EHD4: variants seen among roughly 807,000 people sequenced by gnomAD.
EHD4 encodes EH domain-containing protein 4.
EHD4 carries 37 observed loss-of-function variants against 51.0 expected under a neutral mutation model. The ratio of observed to expected loss-of-function variants is 0.73; its 90% confidence interval spans 0.56 to 0.95. The LOEUF (loss-of-function observed/expected upper bound fraction) is 0.95. Among genes scored for constraint, EHD4 ranks in the 40% least tolerant of loss-of-function variants. The probability of loss-of-function intolerance (pLI) is 0.00; values close to 1 mark genes in which losing one functional copy is unlikely to be tolerated. For synonymous variants in EHD4, 297 were observed against 317.3 expected (o/e 0.94, Z 0.68); for missense variants, 632 against 733.1 (o/e 0.86, Z 1.59).
At position 41,900,612 on chromosome 15, in the gene EHD4, C is replaced by T; in HGVS notation, c.*33G>A. 2 of 1,532,852 alleles carry T rather than the reference C, an allele frequency of 1.3e-6. No individual in the cohort carries two copies. Among genetic ancestry groups the T allele is most frequent in the Non-Finnish European group, 1.7e-6 (2 of 1,142,884 alleles). The allele number at this position is 1,532,852 out of a possible 1,614,324, so 95.0% of individuals were successfully genotyped here. A position where few individuals can be genotyped will look rare whatever the true frequency, so the allele number is the denominator to read the frequency against. ...GTGGAGCAGGCCTGAGGCCCAGGTC[C>T]CCCAGTTCCCACCCCGTTCTGCAGC... is the stretch of plus-strand genomic sequence containing the variant. On this transcript the variant is annotated 3_prime_UTR_variant, in exon 6 of 6. Coordinates refer to ENST00000220325, the MANE Select transcript of EHD4 (RefSeq NM_139265.4). This position sits in a 1 kb window ranked among gnomAD's most constrained non-coding sequence, Gnocchi z 4.8.
chr15:41,957,863 C>T (rs1452417647), intron 1 of EHD4, among the ~76,000 whole-genome samples: 1 of 152,178 alleles, frequency 6.6e-6, no homozygotes, highest in African/African-American at 2.4e-5. Flanking sequence ...CTCGGAACAA[C>T]CAAGACACCA....
At chr15:41,917,525 T>C (rs1333654604) in intron 4 of EHD4, among the ~76,000 whole-genome samples, 1 of 152,154 alleles carries the variant, frequency 6.6e-6, no homozygotes, top group Non-Finnish European at 1.5e-5. Flanking sequence ...AAAAATAGTT[T>C]TAAAAAATCT....
intron 1 of EHD4, among the ~76,000 whole-genome samples, chr15:41,967,557 T>C (rs185481512): frequency 6.6e-6 from 1 of 152,340 alleles, no homozygotes; most frequent in East Asian, 1.9e-4. Flanking sequence ...GAACAGAAGA[T>C]TGATTTTCAG....
chr15:41,939,963 C>G (rs952054476), intron 3 of EHD4, among the ~76,000 whole-genome samples: 1 of 152,052 alleles, frequency 6.6e-6, no homozygotes, highest in African/African-American at 2.4e-5. Context: ...ATGACGTTTA[C>G]TCCCCTGGAA....
rs779016792 is a variant in EHD4, at chr15:41,900,914, C to T, written c.1357G>A (p.Glu453Lys). The change falls in exon 6 of 6, where the codon GAG (glutamate) becomes AAG (lysine). Residue 453 changes from glutamate to lysine, a missense_variant. By Grantham distance (56) the Glu-to-Lys change is moderately conservative. Transcript: ENST00000220325. The surrounding 1 kb of genome is among the most constrained non-coding windows in gnomAD (Gnocchi z 4.8). Reference protein sequence around the residue: ...VVAKDKPVYDELFYTLSPING... With the variant: ...VVAKDKPVYDKLFYTLSPING... ...ATGGGCGACAGAGTGTAGAAGAGCT[C>T]GTCGTAGACGGGCTTGTCTTTGGCC... 5 of 1,614,090 alleles carry T rather than the reference C, an allele frequency of 3.1e-6. No individual in the cohort carries two copies. Among genetic ancestry groups the T allele is most frequent in the Non-Finnish European group, 3.4e-6 (4 of 1,179,998 alleles).
intron 3 of EHD4, among the ~76,000 whole-genome samples, chr15:41,938,629 G>A (rs1383422082): frequency 1.3e-5 from 2 of 152,144 alleles, no homozygotes; most frequent in African/African-American, 2.4e-5. Context: ...AGAATAAGTC[G>A]ATCTGTTAGA....
intron 5 of EHD4, among the ~76,000 whole-genome samples, chr15:41,908,903 C>A (rs1025256553): frequency 6.6e-6 from 1 of 152,222 alleles, no homozygotes; most frequent in African/African-American, 2.4e-5. Context: ...TGGCTGCAGG[C>A]ATCTGAGTTT....
At chr15:41,915,707 G>T (rs1704394) in intron 4 of EHD4, among the ~76,000 whole-genome samples, 39,386 of 152,026 alleles carry the variant, frequency 0.26, 6,222 homozygotes, top group African/African-American at 0.45. Flanking sequence ...TAAATGACAT[G>T]TTCCAAACCC....
intron 5 of EHD4, among the ~76,000 whole-genome samples, 166 bp downstream of exon 5, chr15:41,909,533 G>T (rs963250536): frequency 4.6e-5 from 7 of 152,210 alleles, no homozygotes; most frequent in Non-Finnish European, 7.3e-5. Flanking sequence ...TGGAAGACAG[G>T]CAATTTCTGC....
At chr15:41,924,306 C>T (rs1421368950) in intron 3 of EHD4, among the ~76,000 whole-genome samples, 1 of 152,168 alleles carries the variant, frequency 6.6e-6, no homozygotes, top group African/African-American at 2.4e-5. Context: ...ACAATGTGGG[C>T]CTTGGACCCA....
chr15:41,922,460 G>A (rs745523658), intron 3 of EHD4, among the ~76,000 whole-genome samples: 2 of 152,130 alleles, frequency 1.3e-5, no homozygotes, highest in Non-Finnish European at 2.9e-5. Flanking sequence ...TTAAGATTTC[G>A]GAATACCTCT....
At chr15:41,937,846 G>T (rs570815200) in intron 3 of EHD4, among the ~76,000 whole-genome samples, 1 of 152,204 alleles carries the variant, frequency 6.6e-6, no homozygotes, top group Non-Finnish European at 1.5e-5. Context: ...TAGCTCTGTC[G>T]ATTCTTTTGA....
chr15:41,919,627 G>A lies in EHD4; in HGVS notation c.512-5C>T, dbSNP rs748846754. ...GGACCTGGCAGAAGTCATAGCCTGG[G>A]TGGAGAGAAGGACACGTCAGTGTAG... On this transcript the variant is annotated splice_region_variant and splice_polypyrimidine_tract_variant and intron_variant, in intron 3 of 5. Coordinates refer to ENST00000220325, the MANE Select transcript of EHD4 (RefSeq NM_139265.4). 6.6e-7 allele frequency: 1 copy of A among 1,509,376 alleles called. No individual in the cohort carries two copies. The highest frequency in any genetic ancestry group is 8.9e-7 in the Non-Finnish European group (1 of 1,129,934). The allele number at this position is 1,509,376 out of a possible 1,614,324, so 93.5% of individuals were successfully genotyped here.
At chr15:41,941,128 T>G (rs1231834590) in intron 3 of EHD4, among the ~76,000 whole-genome samples, 1 of 151,968 alleles carries the variant, frequency 6.6e-6, no homozygotes, top group African/African-American at 2.4e-5. Flanking sequence ...AAAAAAAAAT[T>G]GATTGGCACT....
Position 41,931,738 on chromosome 15 carries a change from G to T in EHD4, c.511+11329C>A, listed in dbSNP as rs554953053. Among the ~76,000 whole-genome samples, 2 of 150,306 alleles carry T rather than the reference G, an allele frequency of 1.3e-5. 1 individual carries two copies. Among genetic ancestry groups the T allele is most frequent in the Non-Finnish European group, 3.0e-5 (2 of 67,656 alleles). On this transcript the variant is annotated intron_variant, in intron 3 of 5. Transcript: ENST00000220325. ...GTCACCCAGGCTGGAATGCAGTGGC[G>T]CAATCTCAGCTCACTGCAACCTCCA...
At chr15:41,924,156 T>A (rs1224736414) in intron 3 of EHD4, among the ~76,000 whole-genome samples, 1 of 152,212 alleles carries the variant, frequency 6.6e-6, no homozygotes, top group African/African-American at 2.4e-5. Context: ...CCATCCTGAG[T>A]TCCCTTGCCT....
intron 1 of EHD4, among the ~76,000 whole-genome samples, chr15:41,963,055 A>G (rs966231682): frequency 1.3e-5 from 2 of 152,202 alleles, no homozygotes; most frequent in Non-Finnish European, 2.9e-5. Context: ...GATTAAGGGC[A>G]GTGCAAGATG....
chr15:41,922,367 G>C (rs748654596), intron 3 of EHD4, among the ~76,000 whole-genome samples: 6 of 152,116 alleles, frequency 3.9e-5, no homozygotes, highest in Non-Finnish European at 8.8e-5. Context: ...GCCTGGGTGA[G>C]AGAGTGAGAC....
At chr15:41,929,849 C>T (rs1341544999) in intron 3 of EHD4, among the ~76,000 whole-genome samples, 1 of 152,206 alleles carries the variant, frequency 6.6e-6, no homozygotes, top group African/African-American at 2.4e-5. Flanking sequence ...AGCTCAGCGT[C>T]TGTATAGTAC....
Sources: allele counts gnomAD v4.1 joint callset (sites outside exome capture counted in the v4.1 genomes callset), GRCh38; gene constraint gnomAD v4.1.1; non-coding constraint Gnocchi (gnomAD v3.1); transcripts MANE v1.5; gene names NCBI Gene and HGNC (gene_info 2026-07-23, HGNC 2026-07-21).